Variants in LUZP1 observed in about 807,000 individuals in gnomAD.
The protein encoded by LUZP1 is leucine zipper protein 1.
A neutral mutation model predicts 71.3 loss-of-function variants in LUZP1; 25 were observed. That is an observed-to-expected ratio of 0.35 (90% confidence interval 0.26 to 0.49). The LOEUF is 0.49. Ranked by LOEUF, LUZP1 falls within the 20% of genes least tolerant of loss-of-function variation. LUZP1 has a pLI of 0.99. For missense variants in LUZP1, 1,142 were observed against 1,300.8 expected, an observed-to-expected ratio of 0.88 and a Z score of 1.88; for synonymous variants, 481 against 506.4, an observed-to-expected ratio of 0.95 and a Z score of 0.67.
intron 2 of LUZP1, among the ~76,000 whole-genome samples, chr1:23,135,260 T>C (rs1430326058): frequency 6.6e-6 from 1 of 152,236 alleles, no homozygotes; most frequent in Non-Finnish European, 1.5e-5. Flanking sequence ...ATAAAGATTA[T>C]AAATAGCCTG....
At chr1:23,123,353 G>T (rs189115922) in intron 2 of LUZP1, among the ~76,000 whole-genome samples, 1 of 151,958 alleles carries the variant, frequency 6.6e-6, no homozygotes, top group Non-Finnish European at 1.5e-5. Context: ...TTAACCAGGC[G>T]TGGTGGTGCA....
chr1:23,116,756 C>T (rs142140523), intron 2 of LUZP1, among the ~76,000 whole-genome samples: 9 of 152,252 alleles, frequency 5.9e-5, no homozygotes, highest in Non-Finnish European at 1.2e-4. Context: ...GTCACATGTA[C>T]GAGCTGCAAG....
At chr1:23,121,269 ATTG>A (rs1299516169) in intron 2 of LUZP1, among the ~76,000 whole-genome samples, 1 of 152,190 alleles carries the variant, frequency 6.6e-6, no homozygotes, top group African/African-American at 2.4e-5. Context: ...TGTACTGCCT[ATTG>A]TTTTCTCCAT....
At chr1:23,124,634 C>T (rs962898066) in intron 2 of LUZP1, among the ~76,000 whole-genome samples, 25 of 152,148 alleles carry the variant, frequency 1.6e-4, no homozygotes, top group Non-Finnish European at 2.9e-4. Flanking sequence ...CCAACCACTA[C>T]ACAGGTGAAG....
intron 2 of LUZP1, among the ~76,000 whole-genome samples, chr1:23,137,662 A>G (rs1317616712): frequency 6.6e-6 from 1 of 152,108 alleles, no homozygotes; most frequent in Non-Finnish European, 1.5e-5. Context: ...ATGAGATGAC[A>G]CTTCATCCCC....
intron 2 of LUZP1, among the ~76,000 whole-genome samples, chr1:23,120,552 C>G (rs1274096134): frequency 6.7e-6 from 1 of 149,278 alleles, no homozygotes; most frequent in Non-Finnish European, 1.5e-5. Context: ...GAGACAGGGT[C>G]TTGCTATGTT....
At chr1:23,159,393 GAATT>G (rs1644446870) in intron 2 of LUZP1, among the ~76,000 whole-genome samples, 1 of 152,026 alleles carries the variant, frequency 6.6e-6, no homozygotes, top group African/African-American at 2.4e-5. Flanking sequence ...ATCTAGCATA[GAATT>G]AATTCATGCC....
intron 2 of LUZP1, among the ~76,000 whole-genome samples, chr1:23,113,425 A>G (rs1232408269): frequency 6.6e-6 from 1 of 151,976 alleles, no homozygotes; most frequent in Non-Finnish European, 1.5e-5. Flanking sequence ...ACAAAACAAA[A>G]ACAAACAAAC....
chr1:23,125,407 AT>A (rs1204465971), intron 2 of LUZP1, among the ~76,000 whole-genome samples: 1 of 152,154 alleles, frequency 6.6e-6, no homozygotes, highest in Non-Finnish European at 1.5e-5. Flanking sequence ...TATGAAGTAA[AT>A]CATATACTTT....
intron 3 of LUZP1, among the ~76,000 whole-genome samples, chr1:23,096,582 C>T (rs766891842): frequency 6.6e-6 from 1 of 152,078 alleles, no homozygotes; most frequent in Non-Finnish European, 1.5e-5. Flanking sequence ...AAGAATGTAT[C>T]ACAAACAGAA....
chr1:23,160,141 C>T (rs186967790), intron 2 of LUZP1, among the ~76,000 whole-genome samples: 2 of 152,280 alleles, frequency 1.3e-5, no homozygotes, highest in African/African-American at 4.8e-5. Context: ...GAAATATGTA[C>T]TGAGTTAAAT....
chr1:23,142,248 A>G (rs1466570698), intron 2 of LUZP1, among the ~76,000 whole-genome samples: 1 of 147,202 alleles, frequency 6.8e-6, no homozygotes, highest in Non-Finnish European at 1.5e-5. Context: ...CCTGCCTTAG[A>G]CTCCCAAAGT....
At chr1:23,108,130 A>C (rs1643998495) in intron 3 of LUZP1, among the ~76,000 whole-genome samples, 1 of 152,196 alleles carries the variant, frequency 6.6e-6, no homozygotes, top group African/African-American at 2.4e-5. Flanking sequence ...CTATTTCATT[A>C]GTGCTCTCCT....
chr1:23,083,647 G>GT (rs1178609386), downstream of LUZP1: 193 of 200,534 alleles, frequency 9.6e-4, no homozygotes, highest in Admixed American at 1.9e-3. Flanking sequence ...TGGGGTTTTT[G>GT]TTTTTTTTTT....
exon 5 of LUZP1, chr1:23,084,886 A>G (rs983484754): frequency 1.3e-5 from 2 of 152,630 alleles, no homozygotes; most frequent in African/African-American, 4.8e-5. Flanking sequence ...AATATACTAG[A>G]GCTGCGCCAA....
intron 2 of LUZP1, among the ~76,000 whole-genome samples, chr1:23,165,599 C>A (rs1644503571): frequency 1.3e-5 from 2 of 151,848 alleles, no homozygotes; most frequent in African/African-American, 4.8e-5. Context: ...TCACTTGAGC[C>A]CAGGCAGTAG....
intron 2 of LUZP1, among the ~76,000 whole-genome samples, chr1:23,146,825 C>A (rs769725956): frequency 6.6e-6 from 1 of 151,428 alleles, no homozygotes; most frequent in South Asian, 2.1e-4. Context: ...AGGCTGGGCG[C>A]GATGGCTCAC....
intron 2 of LUZP1, among the ~76,000 whole-genome samples, chr1:23,139,015 A>ATATATATATATATAT (rs1430581945): frequency 1.1e-5 from 1 of 92,704 alleles, no homozygotes; most frequent in African/African-American, 5.5e-5. Flanking sequence ...AAAAAAAAAA[A>ATATATATATATATAT]AAAAATATAT....
intron 1 of LUZP1, among the ~76,000 whole-genome samples, chr1:23,173,506 A>G (rs1315090544): frequency 6.6e-6 from 1 of 151,752 alleles, no homozygotes; most frequent in East Asian, 1.9e-4. Context: ...GGTGCCTGCC[A>G]ACAAGCCCAG....
Sources: allele counts gnomAD v4.1 joint callset (sites outside exome capture counted in the v4.1 genomes callset), GRCh38; gene constraint gnomAD v4.1.1; transcripts MANE v1.5; gene names NCBI Gene and HGNC (gene_info 2026-07-23, HGNC 2026-07-21).